SPOCK1: variants seen among roughly 807,000 people sequenced by gnomAD.
SPOCK1 encodes testican-1.
In SPOCK1, 23 loss-of-function variants were observed where a neutral mutation model predicts 55.3. That is an observed-to-expected ratio of 0.42 (90% CI 0.30 to 0.59). The LOEUF is 0.59. SPOCK1 is among the 20% of genes least tolerant of loss of function. The pLI, the probability that SPOCK1 is intolerant of heterozygous loss-of-function variation, is 0.22. For synonymous variants in SPOCK1, 226 were observed against 221.0 expected, an observed-to-expected ratio of 1.02 and a Z score of -0.20; for missense variants, 499 against 552.5, an observed-to-expected ratio of 0.90 and a Z score of 0.97.
intron 3 of SPOCK1, among the ~76,000 whole-genome samples, chr5:137,221,549 CACA>C (rs2127087914): frequency 6.6e-6 from 1 of 152,244 alleles, no homozygotes; most frequent in African/African-American, 2.4e-5. Flanking sequence ...GAGACCTTTA[CACA>C]ACATCTTCGA....
chr5:137,084,028 A>G (rs1274985501), intron 5 of SPOCK1, among the ~76,000 whole-genome samples: 1 of 151,984 alleles, frequency 6.6e-6, no homozygotes, highest in African/African-American at 2.4e-5. Context: ...TAAAATGGGG[A>G]TAATAAAGGC....
intron 3 of SPOCK1, among the ~76,000 whole-genome samples, chr5:137,144,550 C>A (rs890785518): frequency 1.1e-4 from 17 of 152,146 alleles, no homozygotes; most frequent in African/African-American, 3.9e-4. Flanking sequence ...AATCACCTCG[C>A]CGCATTTTGT....
chr5:137,463,769 A>G (rs932393539), intron 2 of SPOCK1, among the ~76,000 whole-genome samples: 3 of 151,766 alleles, frequency 2.0e-5, no homozygotes, highest in Non-Finnish European at 2.9e-5. Context: ...CCAACATGGC[A>G]AAACCCCATC....
intron 6 of SPOCK1, among the ~76,000 whole-genome samples, chr5:137,019,277 AC>A (rs1272555134): frequency 6.6e-6 from 1 of 152,064 alleles, no homozygotes; most frequent in Non-Finnish European, 1.5e-5. Flanking sequence ...AAATCAAATC[AC>A]CTATCACTTC....
At chr5:137,372,688 A>T (rs1220884700) in intron 2 of SPOCK1, among the ~76,000 whole-genome samples, 1 of 152,258 alleles carries the variant, frequency 6.6e-6, no homozygotes, top group Admixed American at 6.5e-5. Flanking sequence ...AGTGTAAAAT[A>T]CCAGAAGATG....
chr5:137,478,842 T>C lies in SPOCK1; in HGVS notation c.186+19531A>G, dbSNP rs567341033. Among the ~76,000 whole-genome samples the C allele has an allele frequency of 1.3e-4, 19 of 151,826 alleles. No homozygotes were observed. The Middle Eastern group carries it at 0.01, about 82-fold the overall frequency. On this transcript the variant is annotated intron_variant, in intron 2 of 10. Transcript: ENST00000394945. ...TTCCTGACTATTCTAAAAATAATAATAATAAGGAAGATAGGGGTAGGGGGG... is the reference window on the plus strand; with the variant it reads ...TTCCTGACTATTCTAAAAATAATAACAATAAGGAAGATAGGGGTAGGGGGG...
rs1382896560 is a variant in SPOCK1, at chr5:136,979,399, C to G, written c.1062G>C (p.Gln354His). The change falls in exon 10 of 11, where the codon CAG (glutamine) becomes CAC (histidine). Residue 354 changes from glutamine (Q) to histidine (H), a missense_variant. By Grantham distance (24) the Gln-to-His change is conservative. Around this residue, in one of 3 missense-constraint regions of SPOCK1, gnomAD observed 30 missense variants for 64.4 expected, o/e 0.47. Coordinates refer to ENST00000394945, the MANE Select transcript of SPOCK1 (RefSeq NM_004598.4). ...KATQCHGSTG[Q>H]CWCVDKYGNE... is the part of the protein sequence containing the mutation. ...TCCCATATTTGTCCACACACCAGCACTGCCCCGTGCTGCCGTGGCACTGTG... is the reference window on the plus strand; with the variant it reads ...TCCCATATTTGTCCACACACCAGCAGTGCCCCGTGCTGCCGTGGCACTGTG... 3.6e-5 allele frequency: 58 copies of G among 1,614,032 alleles called. No individual in the cohort carries two copies. Among genetic ancestry groups the G allele is most frequent in the Non-Finnish European group, 4.9e-5 (58 of 1,180,012 alleles).
intron 2 of SPOCK1, among the ~76,000 whole-genome samples, chr5:137,496,260 C>G (rs1754297402): frequency 6.6e-6 from 1 of 152,178 alleles, no homozygotes; most frequent in Non-Finnish European, 1.5e-5. Context: ...GAGCTTCATC[C>G]TCAGTCAGGT....
chr5:137,445,805 A>G (rs1753115082), intron 2 of SPOCK1, among the ~76,000 whole-genome samples: 1 of 152,216 alleles, frequency 6.6e-6, no homozygotes, highest in South Asian at 2.1e-4. Flanking sequence ...CGGTATAGCC[A>G]CTTCTCACTG....
intron 2 of SPOCK1, among the ~76,000 whole-genome samples, chr5:137,370,514 C>A (rs939223824): frequency 6.6e-6 from 1 of 152,176 alleles, no homozygotes; most frequent in Non-Finnish European, 1.5e-5. Flanking sequence ...TTCTTCTATT[C>A]AAGAGAAAGG....
chr5:137,050,639 T>C (rs1752188919), intron 6 of SPOCK1, among the ~76,000 whole-genome samples: 1 of 152,146 alleles, frequency 6.6e-6, no homozygotes, highest in Non-Finnish European at 1.5e-5. Context: ...CCGGAGCTGT[T>C]CCTATTCGGC....
chr5:137,078,916 C>A (rs987168907), intron 5 of SPOCK1, among the ~76,000 whole-genome samples: 1 of 152,214 alleles, frequency 6.6e-6, no homozygotes, highest in Non-Finnish European at 1.5e-5. Flanking sequence ...AAAGTAAAGA[C>A]TTTTAGCCCA....
intron 3 of SPOCK1, among the ~76,000 whole-genome samples, chr5:137,179,865 C>T (rs1754934215): frequency 6.6e-6 from 1 of 152,146 alleles, no homozygotes; most frequent in Non-Finnish European, 1.5e-5. Flanking sequence ...GTCTTCTACC[C>T]CCTTGTGTCA....
chr5:137,352,453 T>C (rs1750701366), intron 2 of SPOCK1, among the ~76,000 whole-genome samples: 1 of 152,228 alleles, frequency 6.6e-6, no homozygotes, highest in South Asian at 2.1e-4. Context: ...TTCTTGGACA[T>C]ATGATTGCTA....
chr5:137,029,029 A>G (rs1043904478), intron 6 of SPOCK1, among the ~76,000 whole-genome samples: 2 of 152,092 alleles, frequency 1.3e-5, no homozygotes, highest in African/African-American at 4.8e-5. Flanking sequence ...CTTATGGTCA[A>G]CTGAGTCCCC....
chr5:137,099,668 A>ATG (rs899602594), intron 5 of SPOCK1, among the ~76,000 whole-genome samples: 6 of 133,854 alleles, frequency 4.5e-5, no homozygotes, highest in African/African-American at 1.0e-4. Flanking sequence ...GTATATGTAC[A>ATG]TGTGTATATA....
rs548789250 is a variant in SPOCK1 at position 137,182,890 on chromosome 5, A to G, written c.233-42196T>C. Among the ~76,000 whole-genome samples the G allele has an allele frequency of 8.0e-4, 122 of 152,228 alleles. 1 individual carries two copies. Among genetic ancestry groups the G allele is most frequent in the African/African-American group, 2.7e-3 (111 of 41,524 alleles). ...CCTGCCTTTCAGTTCCAGGTCACCA[A>G]TCTCCATGGAGGCCTGGTAAAGGAG... On this transcript the variant is annotated intron_variant, in intron 3 of 10. Coordinates refer to ENST00000394945, the MANE Select transcript of SPOCK1 (RefSeq NM_004598.4).
chr5:137,053,335 T>G (rs1441962210), intron 6 of SPOCK1, among the ~76,000 whole-genome samples: 1 of 151,668 alleles, frequency 6.6e-6, no homozygotes, highest in Non-Finnish European at 1.5e-5. Flanking sequence ...GCATCAGAAG[T>G]CTTGGAGTAA....
At chr5:137,497,798 C>T (rs1754329834) in intron 2 of SPOCK1, among the ~76,000 whole-genome samples, 1 of 152,092 alleles carries the variant, frequency 6.6e-6, no homozygotes, top group Non-Finnish European at 1.5e-5. Context: ...GTCAAACCAC[C>T]CCACCTCCCC....
Sources: allele counts gnomAD v4.1 joint callset (sites outside exome capture counted in the v4.1 genomes callset), GRCh38; gene constraint gnomAD v4.1.1; regional missense constraint gnomAD v4.1.1; transcripts MANE v1.5; gene names NCBI Gene and HGNC (gene_info 2026-07-23, HGNC 2026-07-21).